INTS8: variants seen among roughly 807,000 people sequenced by gnomAD.
The protein encoded by INTS8 is protein kaonashi-1.
In INTS8, 47 loss-of-function variants were observed where a neutral mutation model predicts 138.9. That is an observed-to-expected ratio of 0.34 (90% CI 0.27 to 0.43). INTS8 has a LOEUF of 0.43. Among genes scored for constraint, INTS8 ranks in the 20% least tolerant of loss-of-function variants. INTS8 has a pLI of 1.00. For synonymous variants in INTS8, 392 were observed against 400.9 expected, an observed-to-expected ratio of 0.98 and a Z score of 0.27; for missense variants, 996 against 1,173.0, an observed-to-expected ratio of 0.85 and a Z score of 2.20.
intron 13 of INTS8, among the ~76,000 whole-genome samples, chr8:94,853,179 G>A (rs1815614365): frequency 6.6e-6 from 1 of 152,040 alleles, no homozygotes; most frequent in African/African-American, 2.4e-5. Flanking sequence ...GGGCATGGTG[G>A]CGCGCACCTG....
intron 7 of INTS8, among the ~76,000 whole-genome samples, chr8:94,837,985 C>T (rs1382235923): frequency 6.7e-6 from 1 of 149,722 alleles, no homozygotes; most frequent in Non-Finnish European, 1.5e-5. Flanking sequence ...TTTTTGACCC[C>T]TGTTCTAAAC....
intron 8 of INTS8, among the ~76,000 whole-genome samples, chr8:94,839,259 T>C (rs1178040141): frequency 6.6e-6 from 1 of 152,210 alleles, no homozygotes; most frequent in African/African-American, 2.4e-5. Flanking sequence ...ACTTTTATTG[T>C]GCGCGCCCCA....
intron 22 of INTS8, 32 bp downstream of exon 22, chr8:94,873,509 T>TG (rs1394425183): frequency 7.2e-7 from 1 of 1,382,530 alleles, no homozygotes; most frequent in Non-Finnish European, 1.0e-6. Context: ...GCTGGTTTCT[T>TG]GCCTACCTGT....
intron 7 of INTS8, among the ~76,000 whole-genome samples, chr8:94,837,829 C>G (rs1372128497): frequency 6.6e-6 from 1 of 152,098 alleles, no homozygotes; most frequent in Non-Finnish European, 1.5e-5. Context: ...ATATCTTAGG[C>G]TTTCTGGGCC....
Position 94,827,755 on chromosome 8 carries a change from A to C in INTS8, c.480A>C (p.Pro160=). ...AIRTIVQSSF[P]VKQAKPGPPQ... ...GGACAATTGTTCAAAGTAGTTTTCCAGTCAAACAGGCAAAACCCGGACCCC... is the reference window on the plus strand; with the variant it reads ...GGACAATTGTTCAAAGTAGTTTTCCCGTCAAACAGGCAAAACCCGGACCCC... Residue 160 remains proline, a synonymous_variant, in exon 4 of 27, where the codon CCA becomes CCC. Transcript: ENST00000523731. 1.2e-6 allele frequency: 2 copies of C among 1,614,194 alleles called. No homozygotes were observed. Among genetic ancestry groups the C allele is most frequent in the Non-Finnish European group, 1.7e-6 (2 of 1,180,012 alleles).
chr8:94,850,330 A>T (rs924687362), intron 12 of INTS8, among the ~76,000 whole-genome samples: 1 of 152,150 alleles, frequency 6.6e-6, no homozygotes, highest in Non-Finnish European at 1.5e-5. Flanking sequence ...TAGCTGGGGA[A>T]GGCTGGGCGT....
At position 94,880,754 on chromosome 8, in the gene INTS8, C is replaced by T. The variant is rs28399589; in HGVS notation, c.*520C>T. 6,157 of 396,862 alleles carry T rather than the reference C, an allele frequency of 0.016. 80 individuals carry two copies. The highest frequency in any genetic ancestry group is 0.056 in the South Asian group (408 of 7,288). 24.6% of individuals were successfully genotyped at this position (396,862 alleles called of 1,614,324 possible). On this transcript the variant is annotated 3_prime_UTR_variant, in exon 27 of 27. Transcript: ENST00000523731. ...TCACAAACATAAATAAAGCCTTAGT[C>T]ACACTAAATTAAAAAAAAAAATTCC...
intron 16 of INTS8, 47 bp from the exon 17 acceptor site, chr8:94,865,459 A>G (rs1380137558): frequency 6.8e-7 from 1 of 1,475,858 alleles, no homozygotes; most frequent in Non-Finnish European, 9.4e-7. Context: ...ACTAATGTGC[A>G]CGACATTACA....
chr8:94,837,736 A>G (rs1033768100), intron 7 of INTS8, among the ~76,000 whole-genome samples: 1 of 152,172 alleles, frequency 6.6e-6, no homozygotes. Flanking sequence ...CATACTTGGT[A>G]TGATAATGAT....
At chr8:94,863,251 TCTC>T (rs748439684) in intron 16 of INTS8, among the ~76,000 whole-genome samples, 9 of 152,234 alleles carry the variant, frequency 5.9e-5, no homozygotes, top group Non-Finnish European at 1.2e-4. Flanking sequence ...TGTGCATGCT[TCTC>T]CTCCTCCAGG....
chr8:94,869,742 C>T (rs192726004), intron 20 of INTS8, among the ~76,000 whole-genome samples: 8 of 152,304 alleles, frequency 5.3e-5, no homozygotes, highest in East Asian at 1.9e-4. Flanking sequence ...CTGCCTACCT[C>T]GGCCTCCCAA....
Position 94,881,404 on chromosome 8 carries a change from G to GAC in INTS8, c.*1172_*1173dup. ...TCTATCCAGTAACCTTGGGAATGAA[G>GAC]ACATCTTTGTAAACAAGTCCTGCTG... is the stretch of plus-strand genomic sequence containing the variant. On this transcript the variant is annotated 3_prime_UTR_variant, in exon 27 of 27. Transcript: ENST00000523731. The GAC allele has an allele frequency of 3.8e-6, 2 of 532,234 alleles. No individual in the cohort carries two copies. The highest frequency in any genetic ancestry group is 6.1e-5 in the East Asian group (2 of 32,638). The allele number at this position is 532,234 out of a possible 1,614,324, so 33.0% of individuals were successfully genotyped here.
chr8:94,860,483 G>A (rs1487213673), intron 16 of INTS8: 1 of 151,104 alleles, frequency 6.6e-6, no homozygotes, highest in Non-Finnish European at 1.5e-5. Context: ...AGGAGGCTGA[G>A]GCAGGAGAAT....
chr8:94,853,407 A>G (rs1815624384), intron 13 of INTS8, among the ~76,000 whole-genome samples: 1 of 152,220 alleles, frequency 6.6e-6, no homozygotes, highest in Non-Finnish European at 1.5e-5. Flanking sequence ...CTTAAGCTTG[A>G]ATGCCAGCTT....
chr8:94,873,273 C>T (rs959006081), intron 21 of INTS8, 101 bp from the exon 22 acceptor site: 16 of 822,018 alleles, frequency 1.9e-5, no homozygotes, highest in Middle Eastern at 3.2e-4. Context: ...TGGTTTGAAT[C>T]TGCTTTTGTT....
At chr8:94,866,438 A>G in intron 18 of INTS8, 1 of 445,158 alleles carries the variant, frequency 2.2e-6, no homozygotes, top group Non-Finnish European at 4.2e-6. Flanking sequence ...GACTACAGGC[A>G]CATGTAACCA....
At chr8:94,856,743 A>G in intron 14 of INTS8, 34 bp from the exon 15 acceptor site, 2 of 1,591,990 alleles carry the variant, frequency 1.3e-6, no homozygotes, top group South Asian at 1.1e-5. Flanking sequence ...CGCCAAAGGA[A>G]AGGTGACCCA....
intron 12 of INTS8, among the ~76,000 whole-genome samples, chr8:94,851,049 A>G (rs954115274): frequency 4.6e-5 from 7 of 152,234 alleles, no homozygotes; most frequent in African/African-American, 1.7e-4. Context: ...CTGGAAATGC[A>G]TTATTGAAGA....
At chr8:94,842,958 A>G (rs1048230331) in intron 10 of INTS8, among the ~76,000 whole-genome samples, 3 of 152,230 alleles carry the variant, frequency 2.0e-5, no homozygotes, top group African/African-American at 7.2e-5. Context: ...AAGTACATAA[A>G]GCACAGATAA....
Sources: allele counts gnomAD v4.1 joint callset (sites outside exome capture counted in the v4.1 genomes callset), GRCh38; gene constraint gnomAD v4.1.1; transcripts MANE v1.5; gene names NCBI Gene and HGNC (gene_info 2026-07-23, HGNC 2026-07-21).